Variants in LARGE1 observed in about 807,000 individuals in gnomAD.
LARGE1 encodes LARGE xylosyl- and glucuronyltransferase 1.
A neutral mutation model predicts 87.6 loss-of-function variants in LARGE1; 43 were observed. The ratio of observed to expected loss-of-function variants is 0.49; its 90% CI spans 0.38 to 0.63. The LOEUF (loss-of-function observed/expected upper bound fraction) is 0.63. LARGE1 is among the 30% of genes least tolerant of loss of function. LARGE1 has a pLI of 0.00. For missense variants in LARGE1, 802 were observed against 1,000.2 expected (o/e 0.80, Z 2.67); for synonymous variants, 434 against 394.6 (o/e 1.10, Z -1.18).
At chr22:33,395,267 C>T (rs2065696677) in intron 7 of LARGE1, among the ~76,000 whole-genome samples, 1 of 146,386 alleles carries the variant, frequency 6.8e-6, no homozygotes, top group African/African-American at 2.6e-5. Context: ...ACTAGGGCTT[C>T]CCTGAGGACA....
intron 1 of LARGE1, among the ~76,000 whole-genome samples, chr22:33,801,140 T>C (rs1396474451): frequency 6.6e-6 from 1 of 152,200 alleles, no homozygotes; most frequent in Non-Finnish European, 1.5e-5. Flanking sequence ...GCCGCCGCCA[T>C]GTAAGAAGTG....
intron 6 of LARGE1, among the ~76,000 whole-genome samples, chr22:33,433,544 C>T (rs539343233): frequency 6.9e-6 from 1 of 145,156 alleles, no homozygotes; most frequent in South Asian, 2.2e-4. Context: ...TGCAGTGAGC[C>T]GAGATCGCAC....
intron 6 of LARGE1, among the ~76,000 whole-genome samples, chr22:33,553,948 G>C (rs2077603157): frequency 6.6e-6 from 1 of 152,140 alleles, no homozygotes; most frequent in Non-Finnish European, 1.5e-5. Context: ...GAGGTCCATG[G>C]AATCCTGGTG....
intron 5 of LARGE1, among the ~76,000 whole-genome samples, chr22:33,582,921 C>CTTTGCAGG (rs893229432): frequency 1.8e-4 from 28 of 152,212 alleles, no homozygotes; most frequent in African/African-American, 6.8e-4. Flanking sequence ...AGGAACACCT[C>CTTTGCAGG]TTTGCAGGAT....
At chr22:33,176,295 T>C (rs558319508) in intron 11 of LARGE1, among the ~76,000 whole-genome samples, 1 of 152,128 alleles carries the variant, frequency 6.6e-6, no homozygotes, top group Non-Finnish European at 1.5e-5. Flanking sequence ...AAAGTCAAAA[T>C]TGACAAATGG....
chr22:33,820,245 T>G (rs557170326), intron 1 of LARGE1, among the ~76,000 whole-genome samples: 1 of 152,328 alleles, frequency 6.6e-6, no homozygotes, highest in South Asian at 2.1e-4. Context: ...ACATAAGGCC[T>G]GACAATAGAT....
chr22:33,350,170 T>C (rs1369558585), intron 9 of LARGE1, among the ~76,000 whole-genome samples: 1 of 152,222 alleles, frequency 6.6e-6, no homozygotes, highest in Non-Finnish European at 1.5e-5. Context: ...TTTTCTCTAA[T>C]GTTCATCATG....
At chr22:33,729,830 C>A (rs16992904) in intron 2 of LARGE1, among the ~76,000 whole-genome samples, 2 of 152,126 alleles carry the variant, frequency 1.3e-5, no homozygotes, top group African/African-American at 2.4e-5. Context: ...AATGAGTTAG[C>A]GTACACACAT....
intron 6 of LARGE1, among the ~76,000 whole-genome samples, chr22:33,485,325 T>C (rs1253565856): frequency 6.6e-6 from 1 of 151,826 alleles, no homozygotes; most frequent in Admixed American, 6.6e-5. Flanking sequence ...ATAATTCTCC[T>C]GCCCCAGCCT....
chr22:33,865,813 T>C (rs1480384447), intron 1 of LARGE1, among the ~76,000 whole-genome samples: 6 of 146,964 alleles, frequency 4.1e-5, no homozygotes, highest in South Asian at 2.2e-4. Context: ...ATAGTAAGCA[T>C]TCAATGTTAG....
intron 11 of LARGE1, among the ~76,000 whole-genome samples, chr22:33,209,217 T>G (rs1340318028): frequency 6.6e-6 from 1 of 152,234 alleles, no homozygotes; most frequent in Non-Finnish European, 1.5e-5. Flanking sequence ...TTTTAACAAC[T>G]ATGTATTAAG....
At chr22:33,617,819 G>C (rs1226257598) in intron 4 of LARGE1, among the ~76,000 whole-genome samples, 1 of 152,206 alleles carries the variant, frequency 6.6e-6, no homozygotes, top group Non-Finnish European at 1.5e-5. Context: ...CTCTTAATGA[G>C]CAACGCTTCT....
chr22:33,402,885 A>G (rs960208174), intron 7 of LARGE1, among the ~76,000 whole-genome samples: 3 of 152,186 alleles, frequency 2.0e-5, no homozygotes, highest in Non-Finnish European at 4.4e-5. Flanking sequence ...AGGCATGCCT[A>G]TTAACTCTAT....
At chr22:33,772,751 C>A (rs180830470) in intron 1 of LARGE1, among the ~76,000 whole-genome samples, 11 of 152,270 alleles carry the variant, frequency 7.2e-5, no homozygotes, top group Admixed American at 4.6e-4. Context: ...CGCTGCTGCG[C>A]CCACTAGATT....
intron 12 of LARGE1, among the ~76,000 whole-genome samples, chr22:33,291,621 AATACATAATGTATTACATCAATAC>A (rs1201141381): frequency 4.6e-5 from 7 of 151,964 alleles, no homozygotes; most frequent in East Asian, 1.9e-4. Flanking sequence ...TAATACATTT[AATACATAATGTATTACATCAATAC>A]ATACATAATG....
chr22:33,283,677 T>C (rs1930921760), intron 12 of LARGE1, among the ~76,000 whole-genome samples: 1 of 151,940 alleles, frequency 6.6e-6, no homozygotes. Flanking sequence ...CTTGGGGGAC[T>C]GAGGCATGAC....
intron 2 of LARGE1, among the ~76,000 whole-genome samples, chr22:33,710,208 A>C (rs903320909): frequency 6.6e-6 from 1 of 152,096 alleles, no homozygotes; most frequent in African/African-American, 2.4e-5. Context: ...AAAAAAACAA[A>C]ACTTAAGAAT....
intron 1 of LARGE1, among the ~76,000 whole-genome samples, chr22:33,891,304 C>T (rs1259594643): frequency 1.3e-5 from 2 of 152,188 alleles, no homozygotes; most frequent in African/African-American, 4.8e-5. Flanking sequence ...AATTCATTTC[C>T]TTACTGGCTA....
downstream of LARGE1, among the ~76,000 whole-genome samples, chr22:33,159,142 C>T (rs796525977): frequency 9.2e-5 from 14 of 152,270 alleles, no homozygotes; most frequent in African/African-American, 3.4e-4. Context: ...GTGGCTGTGT[C>T]TTCCTGTCAC....
Sources: gnomAD v4.1 joint callset for allele counts (sites outside exome capture counted in the v4.1 genomes callset) on GRCh38, gnomAD v4.1.1 for gene constraint, MANE v1.5 for transcripts, NCBI Gene and HGNC (gene_info 2026-07-23, HGNC 2026-07-21) for gene names.